FHOD3: variants seen among roughly 807,000 people sequenced by gnomAD.
The protein encoded by FHOD3 is FH1/FH2 domain-containing protein 3.
In FHOD3, 90 loss-of-function variants were observed where a neutral mutation model predicts 173.0. The observed-to-expected ratio is 0.52, with a 90% CI of 0.44 to 0.62. The LOEUF (loss-of-function observed/expected upper bound fraction) is 0.62, where lower values mean the gene tolerates loss of function less well. FHOD3 is among the 20% of genes least tolerant of loss of function. The pLI, the probability that FHOD3 is intolerant of heterozygous loss-of-function variation, is 0.00. For missense variants in FHOD3, 1,945 were observed against 2,034.7 expected (o/e 0.96, Z 0.85); for synonymous variants, 828 against 823.0 (o/e 1.01, Z -0.10).
chr18:36,695,496 T>C (rs150492220), intron 17 of FHOD3, among the ~76,000 whole-genome samples: 1 of 152,148 alleles, frequency 6.6e-6, no homozygotes, highest in East Asian at 1.9e-4. Flanking sequence ...AATCTGCATA[T>C]AACCAAGAAT....
At chr18:36,572,926 T>C (rs889495524) in intron 5 of FHOD3, among the ~76,000 whole-genome samples, 1 of 151,900 alleles carries the variant, frequency 6.6e-6, no homozygotes, top group Non-Finnish European at 1.5e-5. Flanking sequence ...TGGAGCAAAC[T>C]CCTCTTCCAT....
chr18:36,429,465 A>C (rs1437880747), intron 3 of FHOD3, among the ~76,000 whole-genome samples: 9 of 152,174 alleles, frequency 5.9e-5, no homozygotes, highest in Admixed American at 5.9e-4. Context: ...TCTTATGGAC[A>C]GCTAGTATGT....
intron 20 of FHOD3, 47 bp from the exon 21 acceptor site, chr18:36,740,609 G>T (rs1408480357): frequency 2.7e-6 from 4 of 1,476,906 alleles, no homozygotes; most frequent in Non-Finnish European, 3.7e-6. Context: ...GGACAGGGGA[G>T]GGTCCATCAC....
intron 5 of FHOD3, among the ~76,000 whole-genome samples, chr18:36,541,492 C>T (rs2057218047): frequency 6.6e-6 from 1 of 152,062 alleles, no homozygotes; most frequent in Non-Finnish European, 1.5e-5. Context: ...AATCCTGTCA[C>T]TGCTCCAGCC....
intron 20 of FHOD3, among the ~76,000 whole-genome samples, chr18:36,737,812 G>A (rs2041713210): frequency 6.6e-6 from 1 of 152,172 alleles, no homozygotes; most frequent in African/African-American, 2.4e-5. Context: ...GGTGTCAAGA[G>A]CCCTGTTTCT....
chr18:36,401,706 A>C (rs1216071201), intron 3 of FHOD3, among the ~76,000 whole-genome samples: 1 of 152,222 alleles, frequency 6.6e-6, no homozygotes, highest in East Asian at 1.9e-4. Flanking sequence ...AGATGGAATC[A>C]AGGAAGTAAA....
At chr18:36,658,212 A>C in intron 14 of FHOD3, 24 bp downstream of exon 14, 1 of 1,488,530 alleles carries the variant, frequency 6.7e-7, no homozygotes, top group Non-Finnish European at 9.2e-7. Context: ...GCACGCTGAT[A>C]GCTTCACAGT....
intron 5 of FHOD3, among the ~76,000 whole-genome samples, chr18:36,569,907 G>T (rs1346629780): frequency 6.6e-6 from 1 of 151,962 alleles, no homozygotes; most frequent in Non-Finnish European, 1.5e-5. Flanking sequence ...TGTGGGATGT[G>T]GTTGAAGCAA....
intron 5 of FHOD3, among the ~76,000 whole-genome samples, chr18:36,565,229 A>G (rs2058222864): frequency 6.6e-6 from 1 of 152,232 alleles, no homozygotes; most frequent in Non-Finnish European, 1.5e-5. Flanking sequence ...TTAGGGGTAG[A>G]CAAATCCAGT....
intron 3 of FHOD3, among the ~76,000 whole-genome samples, chr18:36,441,604 C>T (rs972542999): frequency 3.3e-5 from 5 of 152,296 alleles, no homozygotes; most frequent in Admixed American, 2.6e-4. Flanking sequence ...TTTGTGTCTG[C>T]TGGTAGGCTC....
intron 19 of FHOD3, among the ~76,000 whole-genome samples, chr18:36,721,938 T>C (rs775577253): frequency 5.3e-4 from 80 of 152,330 alleles, no homozygotes; most frequent in Admixed American, 9.2e-4. Flanking sequence ...ACCAGAGTTA[T>C]TGGGCATGGC....
intron 22 of FHOD3, 73 bp downstream of exon 22, chr18:36,742,929 G>C: frequency 1.3e-6 from 2 of 1,546,068 alleles, no homozygotes; most frequent in South Asian, 2.5e-5. Flanking sequence ...TGCTGATGAA[G>C]GTTGTACCTC....
intron 27 of FHOD3, among the ~76,000 whole-genome samples, chr18:36,767,571 C>T (rs943117192): frequency 2.6e-5 from 4 of 152,164 alleles, no homozygotes; most frequent in African/African-American, 9.7e-5. Flanking sequence ...CTGCCCGCCT[C>T]AGCCTCCCAA....
chr18:36,674,620 TG>T (rs1361589311), intron 14 of FHOD3, among the ~76,000 whole-genome samples: 1 of 152,178 alleles, frequency 6.6e-6, no homozygotes, highest in African/African-American at 2.4e-5. Context: ...ATTCTTAAAA[TG>T]GAGGTCAGTA....
At chr18:36,449,822 C>G (rs1330354567) in intron 3 of FHOD3, among the ~76,000 whole-genome samples, 3 of 152,064 alleles carry the variant, frequency 2.0e-5, no homozygotes, top group African/African-American at 7.2e-5. Flanking sequence ...AATGGGCACC[C>G]AGGTTGGGTG....
intron 24 of FHOD3, among the ~76,000 whole-genome samples, chr18:36,747,885 T>C (rs548088769): frequency 1.2e-3 from 183 of 152,352 alleles, no homozygotes; most frequent in African/African-American, 4.1e-3. Context: ...TGAGGGACCC[T>C]CACCCATTCT....
In FHOD3 at chr18:36,649,339, A is replaced by G; in HGVS notation, c.1220A>G (p.Gln407Arg). 1 of 1,535,950 alleles carries G rather than the reference A, an allele frequency of 6.5e-7. No homozygotes were observed. Among genetic ancestry groups the G allele is most frequent in the Non-Finnish European group, 8.7e-7 (1 of 1,146,762 alleles). The change falls in exon 11 of 29, where the codon CAG becomes CGG. Residue 407 changes from glutamine to arginine, a missense_variant. Transcript: ENST00000590592. The stretch of plus-strand genomic sequence containing the variant: ...AGGGAGGAGGAGGAGGAAGAGGAGC[A>G]GCCAATCACGGAGCCCAGTTCCGAA... Reference protein sequence around the residue: ...REKEEEEEEEQPITEPSSEEE... With the variant: ...REKEEEEEEERPITEPSSEEE...
intron 6 of FHOD3, among the ~76,000 whole-genome samples, chr18:36,589,076 G>C (rs1021657029): frequency 1.3e-5 from 2 of 152,190 alleles, no homozygotes; most frequent in African/African-American, 4.8e-5. Context: ...TTTATTTTGA[G>C]AGTGCAAAAT....
chr18:36,575,347 A>T (rs2058610009), intron 5 of FHOD3, among the ~76,000 whole-genome samples: 1 of 152,228 alleles, frequency 6.6e-6, no homozygotes, highest in Non-Finnish European at 1.5e-5. Context: ...TTGCATACTT[A>T]GAATTTGTGT....
Sources: allele counts gnomAD v4.1 joint callset (sites outside exome capture counted in the v4.1 genomes callset), GRCh38; gene constraint gnomAD v4.1.1; transcripts MANE v1.5; gene names NCBI Gene and HGNC (gene_info 2026-07-23, HGNC 2026-07-21).